RPGR: variants seen among roughly 807,000 people sequenced by gnomAD.
RPGR encodes retinitis pigmentosa GTPase regulator, also known as X-linked retinitis pigmentosa GTPase regulator.
Under a neutral mutation model 56.3 loss-of-function variants are expected in RPGR, and 10 were observed. That is an observed-to-expected ratio of 0.18 (90% CI 0.11 to 0.30). RPGR has a LOEUF of 0.30. Ranked by LOEUF, RPGR falls within the 10% of genes least tolerant of loss-of-function variation. The probability of loss-of-function intolerance (pLI) is 1.00; values close to 1 mark genes in which losing one functional copy is unlikely to be tolerated. For synonymous variants in RPGR, 197 were observed against 212.9 expected (o/e 0.93, Z 0.65); for missense variants, 538 against 590.9 (o/e 0.91, Z 0.93).
chrX:38,270,143 T>C lies in RPGR; in HGVS notation c.2242-311A>G, dbSNP rs745848226. 4.7e-4 allele frequency among the ~76,000 whole-genome samples: 52 copies of C among 111,538 alleles called. 1 individual carries two copies. In the South Asian group the frequency reaches 6.9e-3, roughly 15 times the overall value. The stretch of plus-strand genomic sequence containing the variant: ...TTGTTAAGTTGTAAGAGAAAAAATA[T>C]ATAAAAACCTATTTAAAGTTACCTA... On this transcript the variant is annotated intron_variant, in intron 18 of 18. Transcript: ENST00000642395.
chrX:38,276,805 G>A (rs1401338425), intron 15 of RPGR: 2 of 1,122,234 alleles, frequency 1.8e-6, no homozygotes, highest in African/African-American at 3.6e-5. Flanking sequence ...AGAAGAGTAA[G>A]ATTTTCTTGT....
chrX:38,301,762 T>C (rs2067505469), intron 8 of RPGR, among the ~76,000 whole-genome samples: 1 of 111,232 alleles, frequency 9.0e-6, no homozygotes, highest in Non-Finnish European at 1.9e-5. Context: ...AGGTCACTGA[T>C]AGATCAGAGT....
chrX:38,285,520 C>T (rs376964154), intron 15 of RPGR: 11 of 1,208,283 alleles, frequency 9.1e-6, no homozygotes, highest in African/African-American at 5.3e-5. Context: ...TGGCCATAAT[C>T]GGGTCACATT....
At chrX:38,309,925 G>T (rs1273972014) in intron 7 of RPGR, among the ~76,000 whole-genome samples, 1 of 111,713 alleles carries the variant, frequency 9.0e-6, no homozygotes, top group Non-Finnish European at 1.9e-5. Flanking sequence ...ATATTCCATA[G>T]ACCAGAAATG....
At chrX:38,324,418 T>C (rs1379873398) in intron 1 of RPGR, among the ~76,000 whole-genome samples, 2 of 110,731 alleles carry the variant, frequency 1.8e-5, no homozygotes, top group Non-Finnish European at 3.8e-5. Flanking sequence ...GAACTCTTAA[T>C]TTCTCTGTTG....
intron 15 of RPGR, chrX:38,285,760 T>C (rs746138366): frequency 3.3e-6 from 4 of 1,208,628 alleles, no homozygotes; most frequent in Non-Finnish European, 4.5e-6. Flanking sequence ...CTCTCCATCC[T>C]GCCTTTCATT....
chrX:38,290,925 C>A (rs2067266284), intron 13 of RPGR, 34 bp downstream of exon 13: 1 of 761,221 alleles, frequency 1.3e-6, no homozygotes, highest in Non-Finnish European at 2.0e-6. Flanking sequence ...ACTGCTCTCA[C>A]CAACAATAAC....
intron 6 of RPGR, among the ~76,000 whole-genome samples, chrX:38,312,648 A>G (rs2067742826): frequency 1.8e-5 from 2 of 111,687 alleles, no homozygotes; most frequent in Admixed American, 1.9e-4. Context: ...CTCTATAAAA[A>G]AAGTACACAT....
chrX:38,317,277 A>G (rs771419932), intron 6 of RPGR, 39 bp downstream of exon 6: 1 of 1,140,532 alleles, frequency 8.8e-7, no homozygotes, highest in African/African-American at 1.8e-5. Flanking sequence ...AACAACATAG[A>G]AGTGGGAGAT....
At chrX:38,287,724 T>A (rs1370687967) in intron 14 of RPGR, 137 bp downstream of exon 14, 1 of 601,413 alleles carries the variant, frequency 1.7e-6, no homozygotes, top group Non-Finnish European at 2.8e-6. Context: ...TCTGACTGTG[T>A]CCTCCATCAC....
At chrX:38,299,739 TA>T (rs752784363) in intron 9 of RPGR, among the ~76,000 whole-genome samples, 14 of 104,752 alleles carry the variant, frequency 1.3e-4, no homozygotes, top group African/African-American at 2.4e-4. Flanking sequence ...AAGAAAATGC[TA>T]AAAAAAAAAC....
At chrX:38,281,194 TAGA>T (rs1376336868) in intron 15 of RPGR, among the ~76,000 whole-genome samples, 1 of 112,653 alleles carries the variant, frequency 8.9e-6, no homozygotes, top group African/African-American at 3.2e-5. Context: ...TCTTTTTCCT[TAGA>T]AGATTTTCTT....
At chrX:38,321,161 C>T (rs1017012334) in intron 3 of RPGR, 72 bp from the exon 4 acceptor site, 75 of 775,084 alleles carry the variant, frequency 9.7e-5, no homozygotes, top group Non-Finnish European at 9.7e-5. Context: ...CAAATGGTAA[C>T]TAAGTGATAG....
chrX:38,315,103 G>A (rs2067793877), intron 6 of RPGR, among the ~76,000 whole-genome samples: 1 of 111,541 alleles, frequency 9.0e-6, no homozygotes, highest in South Asian at 3.8e-4. Context: ...GCCAAGGAGG[G>A]TAGATTACCT....
chrX:38,297,506 T>C, intron 10 of RPGR, 54 bp from the exon 11 acceptor site: 1 of 1,038,237 alleles, frequency 9.6e-7, no homozygotes, highest in Non-Finnish European at 1.3e-6. Flanking sequence ...TATTTAATAT[T>C]GATATAAACT....
chrX:38,301,399 T>A, intron 8 of RPGR, 28 bp from the exon 9 acceptor site: 6 of 1,066,557 alleles, frequency 5.6e-6, no homozygotes, highest in Non-Finnish European at 7.8e-6. Flanking sequence ...TGAAGAGAAT[T>A]ATAAAAGTGT....
chrX:38,282,925 A>G (rs1310051501), intron 15 of RPGR, among the ~76,000 whole-genome samples: 2 of 111,543 alleles, frequency 1.8e-5, no homozygotes, highest in African/African-American at 6.5e-5. Context: ...CTCAATAATG[A>G]TCAGTAATAA....
rs371004627 is a variant in RPGR, at chrX:38,291,363, T to C, written c.1506+30A>G. On this transcript the variant is annotated intron_variant, in intron 12 of 18. Coordinates refer to ENST00000642395, the MANE Select transcript of RPGR (RefSeq NM_000328.3). ...CACAATGAACTAAAATTCAAACTCA[T>C]ATTTAGATAAATAGATAGGAAATCA... 3.3e-6 allele frequency: 3 copies of C among 913,498 alleles called. No homozygotes were observed. The African/African-American group carries it at 5.8e-5, about 18-fold the overall frequency. 75.3% of individuals were successfully genotyped at this position (913,498 alleles called of 1,213,427 possible).
At chrX:38,302,620 G>A (rs1014382487) in intron 8 of RPGR, 2 of 110,613 alleles carry the variant, frequency 1.8e-5, no homozygotes, top group Non-Finnish European at 3.8e-5. Flanking sequence ...CACCTTTGGG[G>A]ACTTCTGGTT....
Sources: allele counts gnomAD v4.1 joint callset (sites outside exome capture counted in the v4.1 genomes callset), GRCh38; gene constraint gnomAD v4.1.1; transcripts MANE v1.5; gene names NCBI Gene and HGNC (gene_info 2026-07-23, HGNC 2026-07-21).